Variants in IQSEC1 observed in about 807,000 individuals in gnomAD.
IQSEC1 encodes IQ motif and SEC7 domain-containing protein 1.
A neutral mutation model predicts 91.0 loss-of-function variants in IQSEC1; 31 were observed. That is an observed-to-expected ratio of 0.34 (90% CI 0.26 to 0.46). The LOEUF is 0.46. IQSEC1 is among the 20% of genes least tolerant of loss of function. The pLI is 1.00. For synonymous variants in IQSEC1, 699 were observed against 662.6 expected (o/e 1.05, Z -0.84); for missense variants, 1,388 against 1,575.6 (o/e 0.88, Z 2.02).
At chr3:13,239,590 G>A (rs1293512753) in intron 1 of IQSEC1, among the ~76,000 whole-genome samples, 2 of 152,244 alleles carry the variant, frequency 1.3e-5, no homozygotes, top group Non-Finnish European at 1.5e-5. Flanking sequence ...CCCTTGGGAC[G>A]CAGCAAGGAA....
At chr3:13,038,178 A>G (rs1428489779) in intron 1 of IQSEC1, among the ~76,000 whole-genome samples, 1 of 147,534 alleles carries the variant, frequency 6.8e-6, no homozygotes, top group Non-Finnish European at 1.5e-5. Context: ...GAATATATAT[A>G]TAAGTATATA....
chr3:13,201,348 T>A (rs1694242999), intron 1 of IQSEC1, among the ~76,000 whole-genome samples: 1 of 152,148 alleles, frequency 6.6e-6, no homozygotes, highest in African/African-American at 2.4e-5. Context: ...TCTTCTTTTT[T>A]AGAGACAGGT....
At position 13,282,523 on chromosome 3, in the gene IQSEC1, A is replaced by C. The variant is rs1345648488; in HGVS notation, c.272+188T>G. 1.3e-5 allele frequency among the ~76,000 whole-genome samples: 2 copies of C among 151,416 alleles called. No homozygotes were observed. The highest frequency in any genetic ancestry group is 3.0e-5 in the Non-Finnish European group (2 of 67,780). On this transcript the variant is annotated intron_variant, in intron 1 of 15. Transcript: ENST00000648114. The surrounding 1 kb of genome is among the most constrained non-coding windows in gnomAD (Gnocchi z 6.4). ...GTCCCCACCCGAGATCGAGCTCCGG[A>C]TCTGGGCGGCGACCCCGCCAGAGAA...
At chr3:13,063,800 A>T (rs977002825) in intron 1 of IQSEC1, among the ~76,000 whole-genome samples, 20 of 152,248 alleles carry the variant, frequency 1.3e-4, no homozygotes, top group African/African-American at 4.8e-4. Flanking sequence ...GAAGGGCCCA[A>T]GGTGTCTCAG....
chr3:13,098,237 AC>A (rs57660529), intron 2 of IQSEC1, among the ~76,000 whole-genome samples: 1 of 152,386 alleles, frequency 6.6e-6, no homozygotes, highest in African/African-American at 2.4e-5. Context: ...AAGGTCCTTG[AC>A]TTTTTGCAGG....
chr3:13,133,093 G>C (rs1706648188), intron 2 of IQSEC1, among the ~76,000 whole-genome samples: 3 of 152,268 alleles, frequency 2.0e-5, no homozygotes, highest in African/African-American at 4.8e-5. Flanking sequence ...GTTGGCCCCA[G>C]AGGGGCAGGA....
chr3:13,147,796 C>T (rs929783185), intron 2 of IQSEC1, among the ~76,000 whole-genome samples: 2 of 152,188 alleles, frequency 1.3e-5, no homozygotes, highest in African/African-American at 4.8e-5. Context: ...CCACATCTGG[C>T]TAATTTTTGT....
intron 1 of IQSEC1, among the ~76,000 whole-genome samples, chr3:12,990,809 G>A (rs985296401): frequency 4.6e-5 from 7 of 152,176 alleles, no homozygotes; most frequent in Non-Finnish European, 7.3e-5. Context: ...ATTATGCTTC[G>A]AGAACCATCA....
At chr3:13,015,841 T>C (rs1247561974) in intron 1 of IQSEC1, 1 of 367,482 alleles carries the variant, frequency 2.7e-6, no homozygotes, top group Non-Finnish European at 3.8e-6. Context: ...ATGGCTTCAC[T>C]GGGCAGGCCC....
intron 2 of IQSEC1, among the ~76,000 whole-genome samples, chr3:13,093,861 C>T (rs1433272185): frequency 2.0e-5 from 3 of 152,206 alleles, no homozygotes; most frequent in African/African-American, 7.2e-5. Context: ...GGGATGTGCA[C>T]GTGATCCAGC....
chr3:13,270,542 C>T lies in IQSEC1; in HGVS notation c.272+12169G>A, dbSNP rs188395394. Among the ~76,000 whole-genome samples, 142 of 152,302 alleles carry T rather than the reference C, an allele frequency of 9.3e-4. 1 individual carries two copies. The highest frequency in any genetic ancestry group is 3.2e-3 in the African/African-American group (135 of 41,556). On this transcript the variant is annotated intron_variant, in intron 1 of 15. Coordinates refer to the IQSEC1 transcript ENST00000648114. Reference sequence around the variant, plus strand: ...TTTCTGGGCTTCACTGTCAACATTCCCTGTCCAGATCCTGCCCCTGTCTTT... The same window carrying T: ...TTTCTGGGCTTCACTGTCAACATTCTCTGTCCAGATCCTGCCCCTGTCTTT...
intron 2 of IQSEC1, among the ~76,000 whole-genome samples, chr3:13,162,347 G>T (rs1024043977): frequency 6.6e-6 from 1 of 152,176 alleles, no homozygotes; most frequent in Non-Finnish European, 1.5e-5. Context: ...AGGCTGCGAG[G>T]CCATCTCCTT....
At chr3:13,242,447 T>C (rs553089749) in intron 1 of IQSEC1, among the ~76,000 whole-genome samples, 1 of 152,276 alleles carries the variant, frequency 6.6e-6, no homozygotes, top group East Asian at 1.9e-4. Context: ...CAGGTTCAGA[T>C]AGCTAAAGTC....
In IQSEC1 at chr3:13,179,988, C is replaced by T. The variant is rs972639880; in HGVS notation, c.273-15855G>A. The stretch of plus-strand genomic sequence containing the variant: ...GGACCTGCAGCCCACCATGCCTGAG[C>T]CTCCCCCACCCCCTCTCCGTGGGCT... On this transcript the variant is annotated intron_variant, in intron 1 of 15. Transcript: ENST00000648114. 3.8e-4 allele frequency among the ~76,000 whole-genome samples: 58 copies of T among 150,936 alleles called. 1 individual carries two copies. The highest frequency in any genetic ancestry group is 1.0e-4 in the Non-Finnish European group (7 of 68,030).
In IQSEC1 at chr3:12,909,004, G is replaced by A. The variant is rs562797364; in HGVS notation, c.2578+269C>T. 2.0e-5 allele frequency among the ~76,000 whole-genome samples: 3 copies of A among 152,270 alleles called. No individual in the cohort carries two copies. Among genetic ancestry groups the A allele is most frequent in the South Asian group, 2.1e-4 (1 of 4,822 alleles). On this transcript the variant is annotated intron_variant, in intron 11 of 13. Transcript: ENST00000613206. This position sits in a 1 kb window ranked among gnomAD's most constrained non-coding sequence, Gnocchi z 4.9. Reference sequence around the variant, plus strand: ...CAGAGAGGCCAGCTGGGAACTCTGCGGGCTCTTGCGCACGGGATGACCAGA... The same window carrying A: ...CAGAGAGGCCAGCTGGGAACTCTGCAGGCTCTTGCGCACGGGATGACCAGA...
intron 1 of IQSEC1, among the ~76,000 whole-genome samples, chr3:12,988,890 G>A (rs1701863437): frequency 6.6e-6 from 1 of 152,224 alleles, no homozygotes; most frequent in South Asian, 2.1e-4. Flanking sequence ...CCACCAGGCA[G>A]CAGCATCCGA....
rs900991121 is a variant in IQSEC1, at chr3:13,139,718, C to G, written c.302+24386G>C. Among the ~76,000 whole-genome samples the G allele has an allele frequency of 2.6e-5, 4 of 152,188 alleles. No homozygotes were observed. In the East Asian group the frequency reaches 7.7e-4, roughly 29 times the overall value. ...CTGTGAGTTTCTTAGAAAATAAGGA[C>G]AGAACCTTAAGGCAAGTCTCAAATG... On this transcript the variant is annotated intron_variant, in intron 2 of 15. Coordinates refer to the IQSEC1 transcript ENST00000648114.
intron 2 of IQSEC1, among the ~76,000 whole-genome samples, chr3:13,101,226 A>C (rs1407594345): frequency 6.6e-6 from 1 of 152,166 alleles, no homozygotes; most frequent in African/African-American, 2.4e-5. Flanking sequence ...TCACGCCTGT[A>C]ATCCCAGCAC....
chr3:13,179,559 A>G (rs958488679), intron 1 of IQSEC1, among the ~76,000 whole-genome samples: 1 of 152,276 alleles, frequency 6.6e-6, no homozygotes, highest in African/African-American at 2.4e-5. Flanking sequence ...TGTGCACTTA[A>G]CAGAGCTTCA....
Sources: allele counts gnomAD v4.1 joint callset (sites outside exome capture counted in the v4.1 genomes callset), GRCh38; gene constraint gnomAD v4.1.1; non-coding constraint Gnocchi (gnomAD v3.1); transcripts MANE v1.5; gene names NCBI Gene and HGNC (gene_info 2026-07-23, HGNC 2026-07-21).